Variants in WDR18 observed in about 807,000 individuals in gnomAD.
The protein encoded by WDR18 is WD repeat-containing protein 18.
WDR18 carries 33 observed loss-of-function variants against 49.6 expected under a neutral mutation model. The observed-to-expected ratio is 0.67, with a 90% CI of 0.50 to 0.89. The LOEUF (loss-of-function observed/expected upper bound fraction) is 0.89, where lower values mean the gene tolerates loss of function less well. WDR18 is among the 40% of genes least tolerant of loss of function. The pLI is 0.00. For missense variants in WDR18, 653 were observed against 593.6 expected (o/e 1.10, Z -1.04); for synonymous variants, 315 against 263.6 (o/e 1.19, Z -1.89).
At position 994,393 on chromosome 19, in the gene WDR18, C is replaced by T. The variant is rs2038604855; in HGVS notation, c.*49C>T. On this transcript the variant is annotated 3_prime_UTR_variant, in exon 10 of 10. Transcript: ENST00000585809. ...CGCCCAGGCCTGAGCCCCATGCCTCCCAGCAACCAGGGCCCGCGGGTGTGG... is the reference window on the plus strand; with the variant it reads ...CGCCCAGGCCTGAGCCCCATGCCTCTCAGCAACCAGGGCCCGCGGGTGTGG... 7 of 1,564,388 alleles carry T rather than the reference C, an allele frequency of 4.5e-6. No individual in the cohort carries two copies. In the South Asian group the frequency reaches 4.6e-5, roughly 10 times the overall value.
intron 2 of WDR18, among the ~76,000 whole-genome samples, chr19:987,734 G>A (rs1190471350): frequency 2.0e-5 from 3 of 151,956 alleles, no homozygotes; most frequent in African/African-American, 7.3e-5. Context: ...CGCCCCATGG[G>A]GGATGTCTTA....
intron 8 of WDR18, among the ~76,000 whole-genome samples, chr19:993,735 CT>C (rs1262477808): frequency 2.0e-5 from 3 of 152,096 alleles, no homozygotes; most frequent in African/African-American, 4.8e-5. Context: ...GCCCAGGCCC[CT>C]GTCTGTGGTG....
chr19:991,177 A>G, intron 6 of WDR18, 32 bp downstream of exon 6: 2 of 1,507,830 alleles, frequency 1.3e-6, no homozygotes, highest in East Asian at 2.5e-5. Context: ...GGGGGCTCCC[A>G]GGCACGTCCT....
At position 984,483 on chromosome 19, in the gene WDR18, C is replaced by G; in HGVS notation, c.130C>G (p.Leu44Val). 2 of 1,572,776 alleles carry G rather than the reference C, an allele frequency of 1.3e-6. No homozygotes were observed. The highest frequency in any genetic ancestry group is 1.7e-6 in the Non-Finnish European group (2 of 1,161,758). The change falls in exon 1 of 10, where the codon CTG becomes GTG. Residue 44 changes from leucine (L) to valine (V), a missense_variant. Physicochemically the swap from Leu to Val is conservative, Grantham distance 32 (BLOSUM62 1). Coordinates refer to ENST00000585809, the MANE Select transcript of WDR18 (RefSeq NM_024100.4). ...CGGCGGCCAGGCGGGACCCCGCGGCCTGGCGCTGCTCAATGGCGAGTATCT... is the reference window on the plus strand; with the variant it reads ...CGGCGGCCAGGCGGGACCCCGCGGCGTGGCGCTGCTCAATGGCGAGTATCT... ...YRGGQAGPRG[L>V]ALLNGEYLLA... is the part of the protein sequence containing the mutation.
At chr19:985,762 T>C in intron 1 of WDR18, 103 bp from the exon 2 acceptor site, 1 of 1,046,314 alleles carries the variant, frequency 9.6e-7, no homozygotes, top group Non-Finnish European at 1.5e-6. Flanking sequence ...TTCCTGGTTC[T>C]CTGACTTAGC....
intron 4 of WDR18, 191 bp downstream of exon 4, chr19:990,555 G>A (rs1555735177): frequency 9.4e-6 from 9 of 960,966 alleles, no homozygotes; most frequent in South Asian, 3.9e-5. Flanking sequence ...CTCATTCACC[G>A]TTTCTGGCCC....
intron 1 of WDR18, 115 bp from the exon 2 acceptor site, chr19:985,750 T>G (rs2038467905): frequency 2.2e-6 from 2 of 920,696 alleles, no homozygotes; most frequent in Non-Finnish European, 3.4e-6. Flanking sequence ...TCCCGACTCC[T>G]CTTCCTGGTT....
Position 990,848 on chromosome 19 carries a change from G to A in WDR18, c.598-4G>A, listed in dbSNP as rs1437959434. On this transcript the variant is annotated splice_region_variant and splice_polypyrimidine_tract_variant and intron_variant, in intron 4 of 9. Transcript: ENST00000585809. ...CGAGCCCCACGCCCTTTGCCCACCC[G>A]CAGCTATGGGAGGTCTCCTCGGGGG... The A allele has an allele frequency of 3.8e-6, 6 of 1,598,022 alleles. No individual in the cohort carries two copies. Among genetic ancestry groups the A allele is most frequent in the African/African-American group, 1.3e-5 (1 of 74,658 alleles).
At chr19:993,833 G>C (rs1316050449) in intron 8 of WDR18, among the ~76,000 whole-genome samples, 187 bp from the exon 9 acceptor site, 2 of 152,220 alleles carry the variant, frequency 1.3e-5, no homozygotes, top group Middle Eastern at 3.2e-3. Flanking sequence ...CATGGCCAGG[G>C]TCAGGGTTGT....
rs372509767 is a variant in WDR18, at chr19:989,723, C to T, written c.322-39C>T. 58 of 1,609,896 alleles carry T rather than the reference C, an allele frequency of 3.6e-5. No individual in the cohort carries two copies. The African/African-American group carries it at 6.9e-4, about 19-fold the overall frequency. The stretch of plus-strand genomic sequence containing the variant: ...GCAGCCCCCCTTTCCTCCCCTGGGG[C>T]TTTCCTCCCCTGACCTGGATACCCT... On this transcript the variant is annotated intron_variant, in intron 2 of 9. Transcript: ENST00000585809.
intron 2 of WDR18, among the ~76,000 whole-genome samples, chr19:988,635 C>G (rs1211955446): frequency 6.6e-6 from 1 of 152,180 alleles, no homozygotes; most frequent in Non-Finnish European, 1.5e-5. Flanking sequence ...GGCCCCCATC[C>G]TTGAGGCCAG....
intron 8 of WDR18, among the ~76,000 whole-genome samples, chr19:993,641 C>T (rs980233349): frequency 1.6e-4 from 24 of 152,376 alleles, no homozygotes; most frequent in African/African-American, 5.5e-4. Context: ...CTCCCCATGG[C>T]TGGAGGTGCT....
In WDR18 at chr19:992,127, G is replaced by T; in HGVS notation, c.1098+6G>T. ...GCCTGGGCCTCCACCAGCAGGTACG[G>T]CCCCCAGCAGGGAACCCCCACTGCC... On this transcript the variant is annotated splice_donor_region_variant and intron_variant, in intron 8 of 9. Transcript: ENST00000585809. 2 of 1,453,278 alleles carry T rather than the reference G, an allele frequency of 1.4e-6. No homozygotes were observed. Among genetic ancestry groups the T allele is most frequent in the South Asian group, 1.4e-5 (1 of 70,764 alleles). 90.0% of individuals were successfully genotyped at this position (1,453,278 alleles called of 1,614,324 possible).
chr19:992,161 C>T, intron 8 of WDR18, 40 bp downstream of exon 8: 4 of 1,408,564 alleles, frequency 2.8e-6, no homozygotes, highest in Non-Finnish European at 3.7e-6. Flanking sequence ...CCCTTTTGTC[C>T]CGGAAGACCC....
At chr19:989,637 G>C (rs2038518177) in intron 2 of WDR18, 125 bp from the exon 3 acceptor site, 1 of 1,386,918 alleles carries the variant, frequency 7.2e-7, no homozygotes, top group Non-Finnish European at 9.8e-7. Context: ...GCAGTCCTGG[G>C]GCAGGGCAGG....
chr19:983,277 T>A (rs1255192430), upstream of WDR18, among the ~76,000 whole-genome samples: 1 of 152,084 alleles, frequency 6.6e-6, no homozygotes, highest in Non-Finnish European at 1.5e-5. Flanking sequence ...CTACTAGATA[T>A]ATATTTAGTA....
At position 985,929 on chromosome 19, in the gene WDR18, G is replaced by A. The variant is rs1300215956; in HGVS notation, c.275G>A (p.Gly92Asp). The A allele has an allele frequency of 1.2e-6, 2 of 1,613,896 alleles. No individual in the cohort carries two copies. Among genetic ancestry groups the A allele is most frequent in the Admixed American group, 3.3e-5 (2 of 60,014 alleles). ...ACCTGTCTGACTGCATCACCCAATG[G>A]TCTCTACGTCCTGGCAGGAGTTGCA... Reference protein sequence around the residue: ...PVTCLTASPNGLYVLAGVAES... With the variant: ...PVTCLTASPNDLYVLAGVAES... The change falls in exon 2 of 10, where the codon GGT becomes GAT. Residue 92 changes from glycine to aspartate, a missense_variant. By Grantham distance (94) the Gly-to-Asp change is moderately conservative (BLOSUM62 -1). Coordinates refer to ENST00000585809, the MANE Select transcript of WDR18 (RefSeq NM_024100.4).
intron 4 of WDR18, 80 bp downstream of exon 4, chr19:990,444 C>T: frequency 7.0e-7 from 1 of 1,427,958 alleles, no homozygotes; most frequent in Non-Finnish European, 9.2e-7. Flanking sequence ...CAGGAATCGC[C>T]TCCTCCCGCT....
At chr19:990,695 T>C in intron 4 of WDR18, 157 bp from the exon 5 acceptor site, 1 of 1,156,870 alleles carries the variant, frequency 8.6e-7, no homozygotes, top group Non-Finnish European at 1.2e-6. Context: ...CCATGTCCCC[T>C]GGCCCCCAAG....
Sources: allele counts gnomAD v4.1 joint callset (sites outside exome capture counted in the v4.1 genomes callset), GRCh38; gene constraint gnomAD v4.1.1; transcripts MANE v1.5; gene names NCBI Gene and HGNC (gene_info 2026-07-23, HGNC 2026-07-21).